Variants in CDH4 observed in about 807,000 individuals in gnomAD.
CDH4 encodes cadherin 4, also known as cadherin-4.
CDH4 carries 33 observed loss-of-function variants against 86.0 expected under a neutral mutation model. The observed-to-expected ratio is 0.38, with a 90% confidence interval of 0.29 to 0.51. CDH4 has a LOEUF of 0.51. Among genes scored for constraint, CDH4 ranks in the 20% least tolerant of loss-of-function variants. CDH4 has a pLI of 0.86. For synonymous variants in CDH4, 555 were observed against 549.4 expected (o/e 1.01, Z -0.14); for missense variants, 1,114 against 1,307.4 (o/e 0.85, Z 2.28).
At chr20:61,372,431 T>A (rs1047347644) in intron 2 of CDH4, among the ~76,000 whole-genome samples, 3 of 152,248 alleles carry the variant, frequency 2.0e-5, no homozygotes, top group Admixed American at 6.5e-5. Flanking sequence ...GCAGCTGTAC[T>A]GTGGACTCTT....
intron 2 of CDH4, among the ~76,000 whole-genome samples, chr20:61,550,920 A>C (rs888762543): frequency 6.6e-6 from 1 of 152,198 alleles, no homozygotes; most frequent in African/African-American, 2.4e-5. Flanking sequence ...CGCAGACAGA[A>C]TCTCCTCTTG....
intron 2 of CDH4, among the ~76,000 whole-genome samples, chr20:61,316,580 G>A (rs560806776): frequency 2.2e-4 from 34 of 152,222 alleles, no homozygotes; most frequent in Non-Finnish European, 4.1e-4. Context: ...CGCTTTGCTT[G>A]TTAAAGGGAA....
At chr20:61,591,538 T>C (rs2145732491) in intron 2 of CDH4, among the ~76,000 whole-genome samples, 1 of 152,212 alleles carries the variant, frequency 6.6e-6, no homozygotes, top group South Asian at 2.1e-4. Flanking sequence ...GGTGTGTAGA[T>C]GGGAAGGGAG....
At chr20:61,482,119 T>A (rs1208387322) in intron 2 of CDH4, among the ~76,000 whole-genome samples, 2 of 152,206 alleles carry the variant, frequency 1.3e-5, no homozygotes, top group Non-Finnish European at 2.9e-5. Context: ...TGCTCTCACG[T>A]ATTATTCAAG....
chr20:61,598,626 C>T (rs2086574780), intron 2 of CDH4, among the ~76,000 whole-genome samples: 1 of 152,136 alleles, frequency 6.6e-6, no homozygotes, highest in South Asian at 2.1e-4. Context: ...AGAGGGAGCC[C>T]CCACCTCCCA....
At chr20:61,454,871 G>A (rs139481968) in intron 2 of CDH4, among the ~76,000 whole-genome samples, 1 of 152,168 alleles carries the variant, frequency 6.6e-6, no homozygotes, top group Non-Finnish European at 1.5e-5. Context: ...TGCAGGAGTG[G>A]TTTGAAGGGT....
At chr20:61,431,081 T>C (rs6089582) in intron 2 of CDH4, among the ~76,000 whole-genome samples, 4,340 of 152,340 alleles carry the variant, frequency 0.028, 97 homozygotes, top group Non-Finnish European at 0.044. Context: ...ATGCTGGCTC[T>C]GTGTATGCAA....
chr20:61,876,136 G>A (rs900543551), intron 7 of CDH4, among the ~76,000 whole-genome samples: 1 of 152,244 alleles, frequency 6.6e-6, no homozygotes, highest in Non-Finnish European at 1.5e-5. Context: ...CCAAGGAGAG[G>A]ACAGGACAGC....
intron 4 of CDH4, among the ~76,000 whole-genome samples, chr20:61,839,443 ATT>A (rs1023073566): frequency 1.2e-4 from 18 of 148,154 alleles, no homozygotes; most frequent in African/African-American, 4.5e-4. Context: ...GTGTTTGTGT[ATT>A]GAGTATGTGT....
intron 2 of CDH4, among the ~76,000 whole-genome samples, chr20:61,290,665 A>G (rs2084315968): frequency 6.6e-6 from 1 of 152,184 alleles, no homozygotes; most frequent in South Asian, 2.1e-4. Flanking sequence ...CCTTCTCCAG[A>G]AGATGGCACA....
At chr20:61,920,421 G>A (rs369035554) in intron 9 of CDH4, among the ~76,000 whole-genome samples, 5 of 145,582 alleles carry the variant, frequency 3.4e-5, no homozygotes, top group Non-Finnish European at 6.0e-5. Flanking sequence ...GTGTGATTGC[G>A]TGGAAGCGTG....
intron 11 of CDH4, among the ~76,000 whole-genome samples, chr20:61,925,894 C>T (rs2055039766): frequency 1.3e-5 from 2 of 152,142 alleles, no homozygotes; most frequent in Admixed American, 1.3e-4. Flanking sequence ...TCAGAAAGCC[C>T]CACGCAAGTC....
chr20:61,360,472 T>C (rs2084777652), intron 2 of CDH4, among the ~76,000 whole-genome samples: 1 of 152,202 alleles, frequency 6.6e-6, no homozygotes, highest in Non-Finnish European at 1.5e-5. Context: ...TGGCATCTGC[T>C]GGTAGTAGCT....
At chr20:61,488,152 G>A (rs1161032175) in intron 2 of CDH4, among the ~76,000 whole-genome samples, 4 of 152,262 alleles carry the variant, frequency 2.6e-5, no homozygotes, top group South Asian at 2.1e-4. Context: ...ATCTAACATC[G>A]CCGAGGAAGG....
chr20:61,418,672 G>A (rs762342813), intron 2 of CDH4, among the ~76,000 whole-genome samples: 13 of 152,146 alleles, frequency 8.5e-5, no homozygotes, highest in South Asian at 2.1e-4. Flanking sequence ...ACAAAGCGCC[G>A]TCAGTTGGGC....
At position 61,714,062 on chromosome 20, in the gene CDH4, T is replaced by TGTTATGTTATGTTATGTTATGTTA. The variant is rs1237764006; in HGVS notation, c.170-29501_170-29500insGTTATGTTATGTTATGTTATGTTA. ...TTTTATTTTATTTTATTTTATTTTA[T>TGTTATGTTATGTTATGTTATGTTA]TTGAGATGGAGTCTCACTCTGTCGC... On this transcript the variant is annotated intron_variant, in intron 2 of 15. Transcript: ENST00000614565. 1.8e-3 allele frequency among the ~76,000 whole-genome samples: 276 copies of TGTTATGTTATGTTATGTTATGTTA among 150,116 alleles called. 4 individuals are homozygous for TGTTATGTTATGTTATGTTATGTTA. Among genetic ancestry groups the TGTTATGTTATGTTATGTTATGTTA allele is most frequent in the South Asian group, 3.9e-3 (18 of 4,658 alleles).
At chr20:61,458,418 CTGG>C (rs1184459778) in intron 2 of CDH4, among the ~76,000 whole-genome samples, 1 of 140,874 alleles carries the variant, frequency 7.1e-6, no homozygotes, top group African/African-American at 2.6e-5. Flanking sequence ...AGTGCTGACA[CTGG>C]TGGTCATGGT....
At chr20:61,847,521 CCATGCCGTGCAAA>C (rs529294558) in intron 5 of CDH4, among the ~76,000 whole-genome samples, 55 of 152,376 alleles carry the variant, frequency 3.6e-4, no homozygotes, top group African/African-American at 1.3e-3. Flanking sequence ...CCACCTCCTG[CCATGCCGTGCAAA>C]CATGCCGTGT....
chr20:61,797,049 T>G (rs1600997879), intron 4 of CDH4, among the ~76,000 whole-genome samples: 1 of 146,478 alleles, frequency 6.8e-6, no homozygotes. Context: ...TAAGAGGGGG[T>G]GAGAGCTGCT....
Sources: gnomAD v4.1 joint callset for allele counts (sites outside exome capture counted in the v4.1 genomes callset) on GRCh38, gnomAD v4.1.1 for gene constraint, MANE v1.5 for transcripts, NCBI Gene and HGNC (gene_info 2026-07-23, HGNC 2026-07-21) for gene names.